The following VWC2L variants were observed in gnomAD, a reference collection of about 807,000 sequenced individuals.
VWC2L encodes the protein von Willebrand factor C domain containing 2 like, also known as von Willebrand factor C domain-containing protein 2-like.
A neutral mutation model predicts 21.6 loss-of-function variants in VWC2L; 10 were observed. The observed-to-expected ratio is 0.46, with a 90% CI of 0.29 to 0.78. The LOEUF (loss-of-function observed/expected upper bound fraction) is 0.78, where lower values mean the gene tolerates loss of function less well. VWC2L is among the 30% of genes least tolerant of loss of function. The pLI is 0.10. For synonymous variants in VWC2L, 96 were observed against 94.3 expected (o/e 1.02, Z -0.10); for missense variants, 209 against 277.1 (o/e 0.75, Z 1.74).
chr2:214,572,259 A>C (rs886246420), intron 3 of VWC2L, among the ~76,000 whole-genome samples: 23 of 152,236 alleles, frequency 1.5e-4, no homozygotes, highest in Admixed American at 3.9e-4. Context: ...AGGAGAGAAC[A>C]GTTGTTCACC....
chr2:214,456,201 G>A (rs1009596534), intron 3 of VWC2L, among the ~76,000 whole-genome samples: 9 of 151,952 alleles, frequency 5.9e-5, no homozygotes. Flanking sequence ...ACCAGCATCT[G>A]TTATTTTTTT....
At chr2:214,475,580 T>C (rs1276817463) in intron 3 of VWC2L, among the ~76,000 whole-genome samples, 1 of 152,108 alleles carries the variant, frequency 6.6e-6, no homozygotes, top group African/African-American at 2.4e-5. Flanking sequence ...GTGAAGACTA[T>C]GACAAATGAA....
intron 2 of VWC2L, among the ~76,000 whole-genome samples, chr2:214,433,340 AATTTTAGG>A (rs1187323817): frequency 6.6e-6 from 1 of 151,878 alleles, no homozygotes; most frequent in Non-Finnish European, 1.5e-5. Flanking sequence ...TCTTGTATAA[AATTTTAGG>A]ATGGTATAAT....
chr2:214,423,432 T>C (rs551059794), intron 2 of VWC2L, among the ~76,000 whole-genome samples: 71 of 152,266 alleles, frequency 4.7e-4, no homozygotes, highest in East Asian at 1.5e-3. Context: ...AGTATTAATA[T>C]GTCACTTTCC....
At chr2:214,473,836 A>C (rs867578034) in intron 3 of VWC2L, 20 of 152,184 alleles carry the variant, frequency 1.3e-4, no homozygotes, top group Admixed American at 5.2e-4. Flanking sequence ...ATAGGGGAAC[A>C]TATTGCTCAA....
intron 3 of VWC2L, among the ~76,000 whole-genome samples, chr2:214,485,793 C>T (rs1232825223): frequency 2.6e-5 from 4 of 152,218 alleles, no homozygotes; most frequent in Admixed American, 2.0e-4. Context: ...ACCACATCGT[C>T]TTCATCTTTC....
chr2:214,559,105 A>T (rs1489246663), intron 3 of VWC2L, among the ~76,000 whole-genome samples: 1 of 151,048 alleles, frequency 6.6e-6, no homozygotes, highest in East Asian at 1.9e-4. Context: ...AAGGGCTAAT[A>T]TCCAGAATCT....
intron 3 of VWC2L, among the ~76,000 whole-genome samples, chr2:214,549,371 C>G (rs1041946067): frequency 6.6e-6 from 1 of 152,206 alleles, no homozygotes; most frequent in African/African-American, 2.4e-5. Flanking sequence ...AATATAGCAA[C>G]TTCACCAATT....
At chr2:214,518,292 T>G (rs542253185) in intron 3 of VWC2L, among the ~76,000 whole-genome samples, 44 of 152,244 alleles carry the variant, frequency 2.9e-4, no homozygotes, top group Non-Finnish European at 5.1e-4. Flanking sequence ...TTTTCTCATA[T>G]GTAGTATGTA....
chr2:214,555,429 G>C (rs532100522), intron 3 of VWC2L, among the ~76,000 whole-genome samples: 167 of 152,216 alleles, frequency 1.1e-3, no homozygotes, highest in Middle Eastern at 6.8e-3. Context: ...ATATTTTAGA[G>C]TTTGATTCTT....
intron 3 of VWC2L, among the ~76,000 whole-genome samples, chr2:214,532,964 T>C (rs1689464369): frequency 2.2e-5 from 1 of 45,738 alleles, no homozygotes; most frequent in Non-Finnish European, 5.4e-5. Context: ...CATTTTTTCC[T>C]GTGACACCCT....
At position 214,418,136 on chromosome 2, in the gene VWC2L, C is replaced by A. The variant is rs554846664; in HGVS notation, c.390+3553C>A. On this transcript the variant is annotated intron_variant, in intron 2 of 3. Transcript: ENST00000312504. ...TTAAATCTCACCTCAACTGGAAACC[C>A]CTCTCTGTCTGTCCTACCTCATATC... Among the ~76,000 whole-genome samples the A allele has an allele frequency of 4.6e-5, 7 of 152,244 alleles. No homozygotes were observed. In the South Asian group the frequency reaches 1.5e-3, roughly 32 times the overall value.
At chr2:214,458,994 G>A (rs1703095040) in intron 3 of VWC2L, among the ~76,000 whole-genome samples, 1 of 152,094 alleles carries the variant, frequency 6.6e-6, no homozygotes, top group Non-Finnish European at 1.5e-5. Context: ...TGTAGTTGAT[G>A]TCCAATGCTG....
intron 3 of VWC2L, among the ~76,000 whole-genome samples, chr2:214,503,078 T>C (rs1486063300): frequency 6.6e-6 from 1 of 152,236 alleles, no homozygotes; most frequent in Non-Finnish European, 1.5e-5. Context: ...GCTACCATCG[T>C]ATCTAGGCAC....
At chr2:214,565,843 C>A (rs764543614) in intron 3 of VWC2L, among the ~76,000 whole-genome samples, 1 of 152,136 alleles carries the variant, frequency 6.6e-6, no homozygotes, top group Non-Finnish European at 1.5e-5. Context: ...AGTACGTTCT[C>A]TTATCACTTT....
At chr2:214,471,909 T>C (rs904837922) in intron 3 of VWC2L, among the ~76,000 whole-genome samples, 2 of 152,182 alleles carry the variant, frequency 1.3e-5, no homozygotes, top group African/African-American at 2.4e-5. Context: ...GGTTCACGTA[T>C]CTGTAAAACC....
At chr2:214,462,263 G>T (rs1245700727) in intron 3 of VWC2L, among the ~76,000 whole-genome samples, 1 of 152,156 alleles carries the variant, frequency 6.6e-6, no homozygotes, top group Non-Finnish European at 1.5e-5. Flanking sequence ...GGGGGCAAGG[G>T]CTAGCATCAC....
intron 2 of VWC2L, among the ~76,000 whole-genome samples, chr2:214,415,379 A>G (rs1702339828): frequency 6.6e-6 from 1 of 152,154 alleles, no homozygotes; most frequent in Admixed American, 6.5e-5. Flanking sequence ...TACATGAAAA[A>G]TGTCCACCTT....
chr2:214,573,252 C>G (rs549458039), intron 3 of VWC2L, among the ~76,000 whole-genome samples: 76 of 152,222 alleles, frequency 5.0e-4, no homozygotes, highest in Middle Eastern at 3.4e-3. Flanking sequence ...TACACACACA[C>G]ACACATACAC....
Sources: gnomAD v4.1 joint callset for allele counts (sites outside exome capture counted in the v4.1 genomes callset) on GRCh38, gnomAD v4.1.1 for gene constraint, MANE v1.5 for transcripts, NCBI Gene and HGNC (gene_info 2026-07-23, HGNC 2026-07-21) for gene names.